MFHAS1: variants seen among roughly 807,000 people sequenced by gnomAD.
The protein encoded by MFHAS1 is malignant fibrous histiocytoma-amplified sequence 1.
MFHAS1 carries 50 observed loss-of-function variants against 70.4 expected under a neutral mutation model. The observed-to-expected ratio is 0.71, with a 90% CI of 0.57 to 0.90. The LOEUF (loss-of-function observed/expected upper bound fraction) is 0.90, where lower values mean the gene tolerates loss of function less well. MFHAS1 is among the 40% of genes least tolerant of loss of function. The pLI is 0.00. For missense variants in MFHAS1, 1,795 were observed against 1,347.6 expected (o/e 1.33, Z -5.20); for synonymous variants, 952 against 620.0 (o/e 1.54, Z -7.96).
chr8:8,866,368 G>T (rs1478847667), intron 1 of MFHAS1, among the ~76,000 whole-genome samples: 11 of 151,388 alleles, frequency 7.3e-5, no homozygotes, highest in Admixed American at 7.3e-4. Context: ...CTCTAGGCTG[G>T]AGTACGGTGG....
chr8:8,876,376 T>C (rs553911243), intron 1 of MFHAS1, among the ~76,000 whole-genome samples: 4 of 152,084 alleles, frequency 2.6e-5, no homozygotes, highest in African/African-American at 7.2e-5. Flanking sequence ...TAAATGTAAT[T>C]GAGGAAACTT....
At chr8:8,797,584 G>A (rs1034635848) in intron 1 of MFHAS1, 93 bp from the exon 2 acceptor site, 6 of 1,400,960 alleles carry the variant, frequency 4.3e-6, no homozygotes, top group Non-Finnish European at 4.9e-6. Context: ...TGGGGGCAGG[G>A]GGAGAAGGGC....
intron 1 of MFHAS1, among the ~76,000 whole-genome samples, chr8:8,881,707 G>A (rs995922019): frequency 4.0e-5 from 6 of 151,778 alleles, no homozygotes; most frequent in Admixed American, 1.3e-4. Context: ...GGTGGCAGTT[G>A]CCTGTAATCC....
chr8:8,799,065 A>G (rs907410749), intron 1 of MFHAS1, among the ~76,000 whole-genome samples: 2 of 152,018 alleles, frequency 1.3e-5, no homozygotes, highest in Non-Finnish European at 2.9e-5. Flanking sequence ...ACAAAAAAAA[A>G]AAAAGAAAAG....
At chr8:8,858,813 C>G (rs1808551632) in intron 1 of MFHAS1, among the ~76,000 whole-genome samples, 1 of 152,024 alleles carries the variant, frequency 6.6e-6, no homozygotes, top group African/African-American at 2.4e-5. Context: ...CAAGGATCAA[C>G]TACACTCATG....
intron 1 of MFHAS1, among the ~76,000 whole-genome samples, chr8:8,812,161 C>T (rs1461360614): frequency 1.7e-5 from 2 of 119,286 alleles, no homozygotes; most frequent in Middle Eastern, 3.7e-3. Context: ...TTACATGGCT[C>T]GGAGAAGCCC....
intron 1 of MFHAS1, among the ~76,000 whole-genome samples, chr8:8,831,482 G>A (rs1413298856): frequency 6.6e-6 from 1 of 152,052 alleles, no homozygotes; most frequent in African/African-American, 2.4e-5. Context: ...GTACTTGGAT[G>A]GGAAAAATAC....
At chr8:8,855,671 C>T (rs1176667171) in intron 1 of MFHAS1, among the ~76,000 whole-genome samples, 4 of 152,062 alleles carry the variant, frequency 2.6e-5, no homozygotes, top group African/African-American at 9.7e-5. Context: ...GCCTGGCCAA[C>T]ATGGCAAAAC....
At chr8:8,842,317 C>T (rs565234393) in intron 1 of MFHAS1, among the ~76,000 whole-genome samples, 2 of 152,210 alleles carry the variant, frequency 1.3e-5, no homozygotes, top group Admixed American at 1.3e-4. Flanking sequence ...TCCTGAGTAG[C>T]TAGGATTACA....
chr8:8,835,315 T>A (rs1807558625), intron 1 of MFHAS1, among the ~76,000 whole-genome samples: 1 of 152,178 alleles, frequency 6.6e-6, no homozygotes, highest in Non-Finnish European at 1.5e-5. Context: ...ATTTAGAAAT[T>A]AAATACTGCA....
intron 1 of MFHAS1, among the ~76,000 whole-genome samples, chr8:8,873,717 C>T (rs1002827396): frequency 3.9e-5 from 6 of 152,146 alleles, no homozygotes; most frequent in African/African-American, 1.4e-4. Context: ...ATAAAAACAA[C>T]CACGCAGCGC....
At chr8:8,880,655 G>A (rs1237656843) in intron 1 of MFHAS1, among the ~76,000 whole-genome samples, 4 of 151,452 alleles carry the variant, frequency 2.6e-5, no homozygotes, top group African/African-American at 9.7e-5. Context: ...GGGGCTGTCG[G>A]TCTAGGGCAG....
chr8:8,839,914 G>A (rs1017059996), intron 1 of MFHAS1, among the ~76,000 whole-genome samples: 2 of 151,860 alleles, frequency 1.3e-5, no homozygotes, highest in Non-Finnish European at 2.9e-5. Flanking sequence ...AGCTTTAATA[G>A]CAAGTCAAGA....
At chr8:8,844,129 T>C (rs1311364436) in intron 1 of MFHAS1, among the ~76,000 whole-genome samples, 1 of 152,180 alleles carries the variant, frequency 6.6e-6, no homozygotes, top group African/African-American at 2.4e-5. Context: ...TGTCAGCCCT[T>C]CTACTACTAA....
intron 1 of MFHAS1, among the ~76,000 whole-genome samples, chr8:8,851,335 A>G (rs1358879402): frequency 1.3e-5 from 2 of 152,212 alleles, no homozygotes; most frequent in African/African-American, 2.4e-5. Context: ...TGCCATTTCA[A>G]TGAGTCCCTA....
chr8:8,827,554 T>C (rs1228938654), intron 1 of MFHAS1, among the ~76,000 whole-genome samples: 2 of 152,366 alleles, frequency 1.3e-5, no homozygotes, highest in South Asian at 2.1e-4. Flanking sequence ...GCAATGAACA[T>C]TGGTTTAACT....
intron 1 of MFHAS1, among the ~76,000 whole-genome samples, chr8:8,811,695 T>A (rs755245895): frequency 6.6e-6 from 1 of 152,236 alleles, no homozygotes; most frequent in South Asian, 2.1e-4. Flanking sequence ...TTACTCACTG[T>A]GGGATCCCAA....
In MFHAS1 at chr8:8,814,252, T is replaced by C. The variant is rs62493166; in HGVS notation, c.2999-16761A>G. Among the ~76,000 whole-genome samples, 273 of 152,314 alleles carry C rather than the reference T, an allele frequency of 1.8e-3. 1 individual carries two copies. Among genetic ancestry groups the C allele is most frequent in the Admixed American group, 3.6e-3 (55 of 15,294 alleles). ...CATGCCTGGTCACCATTTTTTATCT[T>C]TATACTGTATTTTGATTGTACCTTT... On this transcript the variant is annotated intron_variant, in intron 1 of 2. Coordinates refer to ENST00000276282, the MANE Select transcript of MFHAS1 (RefSeq NM_004225.3).
chr8:8,794,837 C>T (rs1048207789), intron 2 of MFHAS1, among the ~76,000 whole-genome samples: 2 of 152,088 alleles, frequency 1.3e-5, no homozygotes, highest in African/African-American at 2.4e-5. Context: ...CGCCATGTAC[C>T]GCCGCTTACC....
Sources: gnomAD v4.1 joint callset for allele counts (sites outside exome capture counted in the v4.1 genomes callset) on GRCh38, gnomAD v4.1.1 for gene constraint, MANE v1.5 for transcripts, NCBI Gene and HGNC (gene_info 2026-07-23, HGNC 2026-07-21) for gene names.